COL4A6: variants seen among roughly 807,000 people sequenced by gnomAD.
COL4A6 encodes the protein collagen type IV alpha 6 chain, also known as collagen alpha-6(IV) chain.
COL4A6 carries 59 observed loss-of-function variants against 126.7 expected under a neutral mutation model. The observed-to-expected ratio is 0.47, with a 90% CI of 0.38 to 0.58. COL4A6 has a LOEUF of 0.58. Among genes scored for constraint, COL4A6 ranks in the 20% least tolerant of loss-of-function variants. The pLI is 0.00. For synonymous variants in COL4A6, 547 were observed against 496.6 expected (o/e 1.10, Z -1.35); for missense variants, 1,285 against 1,337.3 (o/e 0.96, Z 0.61).
chrX:108,178,803 C>T lies in COL4A6; in HGVS notation c.2396G>A (p.Arg799Gln), dbSNP rs372638087. 1.6e-5 allele frequency: 19 copies of T among 1,209,698 alleles called. No homozygotes were observed. Among genetic ancestry groups the T allele is most frequent in the East Asian group, 5.9e-5 (2 of 33,763 alleles). ...CTGTCCTGGTGTCCCAGGGCTGCCC[C>T]GCTCACCTTTGGGGCCTAGTAAGCC... ...KPGLLGPKGE[R>Q]GSPGTPGQVG... The change falls in exon 27 of 45, where the codon CGG becomes CAG. Residue 799 changes from arginine (R) to glutamine (Q), a missense_variant. Transcript: ENST00000334504.
chrX:108,247,079 C>T (rs1602917935), intron 3 of COL4A6, among the ~76,000 whole-genome samples: 1 of 110,786 alleles, frequency 9.0e-6, no homozygotes, highest in African/African-American at 3.3e-5. Flanking sequence ...CTGTTCCTCC[C>T]TTTTCCCCTT....
chrX:108,194,391 C>G (rs1483877135), intron 16 of COL4A6, 143 bp downstream of exon 16: 8 of 578,751 alleles, frequency 1.4e-5, no homozygotes, highest in Non-Finnish European at 2.2e-5. Context: ...TTTGTGTGTT[C>G]AAAGCAGATT....
intron 2 of COL4A6, among the ~76,000 whole-genome samples, chrX:108,405,667 T>C (rs1459729771): frequency 1.8e-5 from 2 of 111,587 alleles, no homozygotes; most frequent in Non-Finnish European, 3.8e-5. Context: ...TTCCTATAGT[T>C]AGTTTCAACT....
At chrX:108,391,507 AGCCTCG>A (rs1394822023) in intron 2 of COL4A6, among the ~76,000 whole-genome samples, 2 of 111,238 alleles carry the variant, frequency 1.8e-5, no homozygotes, top group African/African-American at 6.5e-5. Flanking sequence ...CACCTATTCA[AGCCTCG>A]GCAATGGCAG....
rs764427802 is a variant in COL4A6 at position 108,383,710 on chromosome X, A to G, written c.63+54232T>C. The G allele has an allele frequency of 1.8e-4, 90 of 505,022 alleles. No individual in the cohort carries two copies. The African/African-American group carries it at 1.9e-3, about 11-fold the overall frequency. 41.6% of individuals were successfully genotyped at this position (505,022 alleles called of 1,213,427 possible). A position where few individuals can be genotyped will look rare whatever the true frequency, so the allele number is the denominator to read the frequency against. ...CACAGGAGAGAGTGGTAACTTTACT[A>G]GTTGGAGATATAAGGTATCAGTCAC... On this transcript the variant is annotated intron_variant, in intron 2 of 44. Transcript: ENST00000334504.
At chrX:108,216,889 G>A (rs2035872339) in intron 5 of COL4A6, among the ~76,000 whole-genome samples, 1 of 112,729 alleles carries the variant, frequency 8.9e-6, no homozygotes, top group Non-Finnish European at 1.9e-5. Context: ...ATTCAGGATT[G>A]ACTCCATGGG....
chrX:108,266,586 T>C (rs932891478), intron 3 of COL4A6, among the ~76,000 whole-genome samples: 1 of 111,932 alleles, frequency 8.9e-6, no homozygotes, highest in Non-Finnish European at 1.9e-5. Context: ...GTCTATGCTG[T>C]TCACTAATGG....
chrX:108,282,862 T>C (rs1368746311), intron 3 of COL4A6, among the ~76,000 whole-genome samples: 2 of 108,264 alleles, frequency 1.8e-5, no homozygotes, highest in Admixed American at 2.0e-4. Context: ...ATGGATGAAA[T>C]TGGAAATTGT....
chrX:108,157,265 A>AACAG lies in COL4A6; in HGVS notation c.4813-9_4813-6dup. 8.3e-7 allele frequency: 1 copy of AACAG among 1,207,321 alleles called. No individual in the cohort carries two copies. The highest frequency in any genetic ancestry group is 1.1e-6 in the Non-Finnish European group (1 of 893,054). On this transcript the variant is annotated splice_region_variant and splice_polypyrimidine_tract_variant and intron_variant, in intron 44 of 44. Coordinates refer to ENST00000334504, the MANE Select transcript of COL4A6 (RefSeq NM_033641.4). Reference sequence around the variant, plus strand: ...CTCGGCACCAGCGGCAGTGTGCTGAAACAGACAGGAGATTAGTGCATGAGC... The same window carrying AACAG: ...CTCGGCACCAGCGGCAGTGTGCTGAAACAGACAGACAGGAGATTAGTGCATGAGC...
Position 108,157,033 on chromosome X carries a change from G to A in COL4A6, c.5040C>T (p.Val1680=). 8.3e-7 allele frequency: 1 copy of A among 1,211,654 alleles called. No homozygotes were observed. Among genetic ancestry groups the A allele is most frequent in the Non-Finnish European group, 1.1e-6 (1 of 895,463 alleles). Reference sequence around the variant, plus strand: ...TTTTCATACACACCTGGCAGCGACTGACTCGAGTGTGGAGCTGCCCAGCTT... The same window carrying A: ...TTTTCATACACACCTGGCAGCGACTAACTCGAGTGTGGAGCTGCCCAGCTT... The part of the protein sequence containing the change: ...TLKAGQLHTR[V]SRCQVCMKSL Residue 1680 remains valine, a synonymous_variant, in exon 45 of 45, where the codon GTC becomes GTT. Transcript: ENST00000334504.
intron 3 of COL4A6, among the ~76,000 whole-genome samples, chrX:108,281,001 A>C (rs890536359): frequency 5.5e-5 from 6 of 109,060 alleles, no homozygotes; most frequent in Admixed American, 3.0e-4. Flanking sequence ...ATCTCAAAAT[A>C]ATAAGAGCTA....
At chrX:108,418,961 G>A (rs2041483141) in intron 2 of COL4A6, among the ~76,000 whole-genome samples, 1 of 112,365 alleles carries the variant, frequency 8.9e-6, no homozygotes, top group Non-Finnish European at 1.9e-5. Context: ...AGATTTGTTT[G>A]TATACAAGAT....
chrX:108,338,055 A>G (rs1362609683), intron 2 of COL4A6, among the ~76,000 whole-genome samples: 1 of 111,365 alleles, frequency 9.0e-6, no homozygotes, highest in East Asian at 2.8e-4. Flanking sequence ...AGTGTTCCTA[A>G]CCCTGAGAAC....
At chrX:108,425,774 C>T (rs1319371125) in intron 2 of COL4A6, among the ~76,000 whole-genome samples, 4 of 109,582 alleles carry the variant, frequency 3.7e-5, no homozygotes, top group Non-Finnish European at 7.6e-5. Flanking sequence ...ACCTCTGTAG[C>T]TCTCAATTTC....
intron 2 of COL4A6, among the ~76,000 whole-genome samples, chrX:108,395,497 C>T (rs908198137): frequency 8.9e-6 from 1 of 112,040 alleles, no homozygotes; most frequent in Non-Finnish European, 1.9e-5. Flanking sequence ...GATGCAATAA[C>T]TGCAGGTATC....
chrX:108,167,629 C>T (rs1393559647), intron 37 of COL4A6, among the ~76,000 whole-genome samples: 1 of 111,576 alleles, frequency 9.0e-6, no homozygotes, highest in Non-Finnish European at 1.9e-5. Context: ...AGTCACTGCA[C>T]CCAACCACTC....
chrX:108,324,476 C>T (rs977058388), intron 2 of COL4A6, among the ~76,000 whole-genome samples: 1 of 111,932 alleles, frequency 8.9e-6, no homozygotes, highest in African/African-American at 3.2e-5. Context: ...GAAAGAACAA[C>T]ACTTCCCAAG....
chrX:108,162,824 C>A, intron 41 of COL4A6, 68 bp downstream of exon 41: 5 of 1,068,075 alleles, frequency 4.7e-6, no homozygotes, highest in Non-Finnish European at 6.1e-6. Flanking sequence ...GGTGGACATC[C>A]AAGCCAGCCT....
chrX:108,304,386 A>G lies in COL4A6; in HGVS notation c.144+6362T>C, dbSNP rs143184335. Among the ~76,000 whole-genome samples, 715 of 111,626 alleles carry G rather than the reference A, an allele frequency of 6.4e-3. 7 individuals are homozygous for G. The highest frequency in any genetic ancestry group is 0.022 in the African/African-American group (677 of 30,755). ...AATTATCCTGAACCGAAAGAACCAT[A>G]TGTAAATATACAAAGACCCCTGATT... On this transcript the variant is annotated intron_variant, in intron 3 of 44. Coordinates refer to ENST00000334504, the MANE Select transcript of COL4A6 (RefSeq NM_033641.4).
Sources: gnomAD v4.1 joint callset for allele counts (sites outside exome capture counted in the v4.1 genomes callset) on GRCh38, gnomAD v4.1.1 for gene constraint, MANE v1.5 for transcripts, NCBI Gene and HGNC (gene_info 2026-07-23, HGNC 2026-07-21) for gene names.